FSTL4: variants seen among roughly 807,000 people sequenced by gnomAD.
FSTL4 encodes the protein follistatin like 4.
FSTL4 carries 28 observed loss-of-function variants against 78.2 expected under a neutral mutation model. The observed-to-expected ratio is 0.36, with a 90% confidence interval of 0.27 to 0.49. The LOEUF (loss-of-function observed/expected upper bound fraction) is 0.49, where lower values mean the gene tolerates loss of function less well. Among genes scored for constraint, FSTL4 ranks in the 20% least tolerant of loss-of-function variants. FSTL4 has a pLI of 0.98. For missense variants in FSTL4, 922 were observed against 1,084.9 expected (o/e 0.85, Z 2.11); for synonymous variants, 422 against 440.5 (o/e 0.96, Z 0.53).
At position 133,223,942 on chromosome 5, in the gene FSTL4, T is replaced by C. The variant is rs565537383; in HGVS notation, c.1339+248A>G. 6.8e-6 allele frequency: 3 copies of C among 441,550 alleles called. No individual in the cohort carries two copies. The East Asian group carries it at 1.2e-4, about 17-fold the overall frequency. The allele number at this position is 441,550 out of a possible 1,614,324, so 27.4% of individuals were successfully genotyped here. On this transcript the variant is annotated intron_variant, in intron 11 of 15. Transcript: ENST00000265342. ...GATCTGACCAGGAACCCTTACCAAC[T>C]GTTCTGCTTCAGCAGAGGTTACAAG...
At chr5:133,425,255 G>A (rs930707277) in intron 3 of FSTL4, among the ~76,000 whole-genome samples, 5 of 152,044 alleles carry the variant, frequency 3.3e-5, no homozygotes, top group Admixed American at 6.6e-5. Flanking sequence ...AGCTAAGTCC[G>A]AGGTTTGTCT....
intron 3 of FSTL4, among the ~76,000 whole-genome samples, chr5:133,553,154 C>T (rs1251508325): frequency 6.6e-6 from 1 of 152,138 alleles, no homozygotes; most frequent in African/African-American, 2.4e-5. Context: ...TACCCGGAAC[C>T]CACAGTCTGT....
chr5:133,428,489 G>A (rs1037005534), intron 3 of FSTL4, among the ~76,000 whole-genome samples: 1 of 152,194 alleles, frequency 6.6e-6, no homozygotes, highest in African/African-American at 2.4e-5. Context: ...AGAAGGGTCA[G>A]GTCCATTCTG....
At chr5:133,510,968 C>G (rs1184577849) in intron 3 of FSTL4, among the ~76,000 whole-genome samples, 1 of 152,176 alleles carries the variant, frequency 6.6e-6, no homozygotes, top group Admixed American at 6.5e-5. Context: ...GTTTCAGAAG[C>G]CATTCTTACA....
At chr5:133,216,753 T>C (rs1750920450) in intron 13 of FSTL4, among the ~76,000 whole-genome samples, 1 of 152,240 alleles carries the variant, frequency 6.6e-6, no homozygotes, top group South Asian at 2.1e-4. Context: ...TGAAATGTCC[T>C]CACTTTGGGC....
intron 3 of FSTL4, among the ~76,000 whole-genome samples, chr5:133,429,532 A>G (rs748430417): frequency 8.5e-5 from 13 of 152,136 alleles, no homozygotes; most frequent in Admixed American, 1.3e-4. Flanking sequence ...CCAAGAGAAG[A>G]TATCAGGAAT....
intron 13 of FSTL4, among the ~76,000 whole-genome samples, chr5:133,213,863 A>G (rs1750821838): frequency 6.6e-6 from 1 of 152,210 alleles, no homozygotes; most frequent in Admixed American, 6.5e-5. Context: ...ATAAAAGAGG[A>G]CCTTAAATAT....
chr5:133,428,403 G>A (rs1349505561), intron 3 of FSTL4, among the ~76,000 whole-genome samples: 1 of 152,196 alleles, frequency 6.6e-6, no homozygotes, highest in African/African-American at 2.4e-5. Flanking sequence ...CTGGACCATG[G>A]GTAGGGGCTG....
intron 4 of FSTL4, among the ~76,000 whole-genome samples, chr5:133,331,063 G>T (rs1754333911): frequency 6.6e-6 from 1 of 152,190 alleles, no homozygotes; most frequent in Admixed American, 6.5e-5. Context: ...GCAGCCCACA[G>T]CAGCCCCAGA....
chr5:133,322,537 T>C (rs1441276790), intron 4 of FSTL4, among the ~76,000 whole-genome samples: 1 of 152,042 alleles, frequency 6.6e-6, no homozygotes, highest in African/African-American at 2.4e-5. Context: ...CAACAAAGGG[T>C]TCACTCATGA....
chr5:133,418,014 A>ACAG (rs1388910062), intron 3 of FSTL4, among the ~76,000 whole-genome samples: 1 of 151,284 alleles, frequency 6.6e-6, no homozygotes, highest in Non-Finnish European at 1.5e-5. Context: ...ATCAGAAACA[A>ACAG]CAGGAATCAG....
intron 4 of FSTL4, among the ~76,000 whole-genome samples, chr5:133,329,057 G>A (rs1242873158): frequency 6.6e-6 from 1 of 152,150 alleles, no homozygotes; most frequent in Non-Finnish European, 1.5e-5. Context: ...TGAGGCTGTC[G>A]CTTCCTCCGC....
chr5:133,704,340 C>T, the FSTL4 span, among the ~76,000 whole-genome samples: 1 of 152,158 alleles, frequency 6.6e-6, no homozygotes, highest in African/African-American at 2.4e-5. Context: ...TGGGCACAGC[C>T]CTAGTGAAGG....
At chr5:133,840,014 G>C in the FSTL4 span, among the ~76,000 whole-genome samples, 1 of 152,148 alleles carries the variant, frequency 6.6e-6, no homozygotes, top group Non-Finnish European at 1.5e-5. Flanking sequence ...GGTGAGAGGT[G>C]GGGGAGAGCA....
At chr5:133,709,173 C>A in the FSTL4 span, among the ~76,000 whole-genome samples, 3 of 152,178 alleles carry the variant, frequency 2.0e-5, no homozygotes, top group Non-Finnish European at 4.4e-5. Flanking sequence ...ACAGACCACC[C>A]CCGGGTCATA....
intron 3 of FSTL4, among the ~76,000 whole-genome samples, chr5:133,505,985 T>C (rs1412745312): frequency 1.3e-5 from 2 of 152,142 alleles, no homozygotes; most frequent in Non-Finnish European, 2.9e-5. Context: ...AACTATAGAA[T>C]CCCAGACAGT....
chr5:133,452,759 C>T (rs773508992), intron 3 of FSTL4, among the ~76,000 whole-genome samples: 40 of 152,260 alleles, frequency 2.6e-4, no homozygotes, highest in Non-Finnish European at 5.1e-4. Flanking sequence ...AGTGGATGCT[C>T]TTCCAGGGAC....
intron 3 of FSTL4, among the ~76,000 whole-genome samples, chr5:133,556,940 T>C (rs1759800023): frequency 6.6e-6 from 1 of 152,202 alleles, no homozygotes; most frequent in Non-Finnish European, 1.5e-5. Flanking sequence ...TCATTTGATG[T>C]TCATTTGCTT....
the FSTL4 span, among the ~76,000 whole-genome samples, chr5:133,773,665 T>C: frequency 5.9e-5 from 9 of 152,222 alleles, no homozygotes; most frequent in African/African-American, 2.2e-4. Flanking sequence ...CTGTTCTTAC[T>C]AGTTCCTGCG....
Sources: allele counts gnomAD v4.1 joint callset (sites outside exome capture counted in the v4.1 genomes callset), GRCh38; gene constraint gnomAD v4.1.1; transcripts MANE v1.5; gene names NCBI Gene and HGNC (gene_info 2026-07-23, HGNC 2026-07-21).